The following XKR9 variants were observed in gnomAD, a reference collection of about 807,000 sequenced individuals.
XKR9 encodes XK-related protein 9.
In XKR9, 32 loss-of-function variants were observed where a neutral mutation model predicts 32.0. The ratio of observed to expected loss-of-function variants is 1.00; its 90% CI spans 0.76 to 1.34. The LOEUF (loss-of-function observed/expected upper bound fraction) is 1.34. XKR9 is among the 40% of genes most tolerant of loss of function. The probability of loss-of-function intolerance (pLI) is 0.00; values close to 1 mark genes in which losing one functional copy is unlikely to be tolerated. For synonymous variants in XKR9, 168 were observed against 143.4 expected, an observed-to-expected ratio of 1.17 and a Z score of -1.22; for missense variants, 546 against 429.7, an observed-to-expected ratio of 1.27 and a Z score of -2.39.
the XKR9 span, among the ~76,000 whole-genome samples, chr8:70,936,913 G>T: frequency 6.6e-6 from 1 of 151,984 alleles, no homozygotes; most frequent in Non-Finnish European, 1.5e-5. Context: ...AAAATGTACT[G>T]TCTTATTTCT....
At chr8:70,807,457 A>T in the XKR9 span, among the ~76,000 whole-genome samples, 929 of 152,284 alleles carry the variant, frequency 6.1e-3, 10 homozygotes, top group African/African-American at 0.021. Context: ...CAATTAAAAG[A>T]CACAGAGTGG....
chr8:70,806,275 C>G, the XKR9 span, among the ~76,000 whole-genome samples: 1 of 152,092 alleles, frequency 6.6e-6, no homozygotes, highest in Non-Finnish European at 1.5e-5. Context: ...TCAGCAGCCT[C>G]AAATCGAAAC....
chr8:70,778,133 A>C (rs989889985), intron 2 of XKR9, among the ~76,000 whole-genome samples: 2 of 152,256 alleles, frequency 1.3e-5, no homozygotes, highest in Admixed American at 1.3e-4. Context: ...TTTTTGTATA[A>C]GGTGTAAGGA....
intron 2 of XKR9, among the ~76,000 whole-genome samples, chr8:70,781,443 G>T (rs1245759050): frequency 6.6e-6 from 1 of 151,232 alleles, no homozygotes; most frequent in Non-Finnish European, 1.5e-5. Context: ...TGGGATACAG[G>T]GTGATATTCC....
chr8:70,682,824 C>T (rs268642), intron 3 of XKR9, among the ~76,000 whole-genome samples: 56,351 of 152,014 alleles, frequency 0.37, 10,923 homozygotes, highest in East Asian at 0.66. Context: ...TTGGCACATA[C>T]GTTGTTGGAA....
the XKR9 span, among the ~76,000 whole-genome samples, chr8:70,909,703 CTTTTTTT>C: frequency 4.4e-5 from 4 of 91,206 alleles, no homozygotes; most frequent in Admixed American, 2.9e-4. Flanking sequence ...TCGATTTATC[CTTTTTTT>C]TTTTTTTTTT....
intron 1 of XKR9, among the ~76,000 whole-genome samples, chr8:70,672,107 G>A (rs199908632): frequency 1.8e-5 from 1 of 54,638 alleles, no homozygotes; most frequent in South Asian, 4.7e-4. Context: ...ATGCTCATGG[G>A]TAGGAAGAAT....
the XKR9 span, among the ~76,000 whole-genome samples, chr8:70,874,665 C>G: frequency 1.3e-5 from 2 of 152,194 alleles, no homozygotes; most frequent in Non-Finnish European, 1.5e-5. Context: ...AGCTGAAAAA[C>G]AGGAATGTAT....
the XKR9 span, among the ~76,000 whole-genome samples, chr8:70,857,702 T>G: frequency 6.6e-6 from 1 of 152,180 alleles, no homozygotes; most frequent in African/African-American, 2.4e-5. Context: ...TGAACACCGA[T>G]GTAAAAATCC....
chr8:70,941,241 T>G, the XKR9 span, among the ~76,000 whole-genome samples: 53 of 151,994 alleles, frequency 3.5e-4, 1 homozygote, highest in South Asian at 2.1e-4. Context: ...CTTTTGTGTC[T>G]GGGTTCTTTC....
At chr8:70,777,324 T>C (rs1156320352) in intron 2 of XKR9, among the ~76,000 whole-genome samples, 1 of 152,192 alleles carries the variant, frequency 6.6e-6, no homozygotes, top group Non-Finnish European at 1.5e-5. Flanking sequence ...CCATGGTGTA[T>C]ATGTGTCACA....
chr8:71,028,864 G>A, the XKR9 span, among the ~76,000 whole-genome samples: 2 of 151,862 alleles, frequency 1.3e-5, no homozygotes, highest in African/African-American at 2.4e-5. Flanking sequence ...CTTTCTTTTT[G>A]TAGAGGCTAA....
chr8:70,858,914 A>G, the XKR9 span, among the ~76,000 whole-genome samples: 3 of 152,054 alleles, frequency 2.0e-5, no homozygotes, highest in African/African-American at 7.2e-5. Context: ...CCATAAAAAC[A>G]TTAGGGAAAT....
chr8:70,897,483 A>C, the XKR9 span, among the ~76,000 whole-genome samples: 2 of 152,168 alleles, frequency 1.3e-5, no homozygotes, highest in African/African-American at 4.8e-5. Context: ...GGTTATACTA[A>C]TTTACATTAC....
chr8:70,750,236 A>C (rs1052069498), intron 2 of XKR9, among the ~76,000 whole-genome samples: 2 of 152,184 alleles, frequency 1.3e-5, no homozygotes, highest in African/African-American at 4.8e-5. Flanking sequence ...TAGGGATTGC[A>C]TTTCTATGTT....
chr8:70,892,857 C>A, the XKR9 span, among the ~76,000 whole-genome samples: 1 of 152,090 alleles, frequency 6.6e-6, no homozygotes, highest in Non-Finnish European at 1.5e-5. Flanking sequence ...CTTTGAGATT[C>A]TTGGATCTGG....
chr8:70,792,228 TG>T (rs1807773394), downstream of XKR9, among the ~76,000 whole-genome samples: 1 of 152,104 alleles, frequency 6.6e-6, no homozygotes, highest in Admixed American at 6.6e-5. Context: ...CTGGGCATTA[TG>T]GGGAAACAAA....
At chr8:70,691,144 G>A (rs1819498688) in intron 3 of XKR9, among the ~76,000 whole-genome samples, 1 of 152,116 alleles carries the variant, frequency 6.6e-6, no homozygotes, top group African/African-American at 2.4e-5. Context: ...GTTTTCATTT[G>A]CATTTCTCTA....
At chr8:70,769,825 GT>G (rs1204251518) in intron 2 of XKR9, among the ~76,000 whole-genome samples, 1 of 151,898 alleles carries the variant, frequency 6.6e-6, no homozygotes, top group African/African-American at 2.4e-5. Context: ...GATTATTCTA[GT>G]TAGCATTTCC....
Sources: gnomAD v4.1 joint callset for allele counts (sites outside exome capture counted in the v4.1 genomes callset) on GRCh38, gnomAD v4.1.1 for gene constraint, MANE v1.5 for transcripts, NCBI Gene and HGNC (gene_info 2026-07-23, HGNC 2026-07-21) for gene names.